The following SLC12A3 variants were observed in gnomAD, a reference collection of about 807,000 sequenced individuals.
SLC12A3 encodes the protein Na-Cl cotransporter.
Under a neutral mutation model 121.0 loss-of-function variants are expected in SLC12A3, and 104 were observed. That is an observed-to-expected ratio of 0.86 (90% CI 0.73 to 1.01). SLC12A3 has a LOEUF of 1.01. Among genes scored for constraint, SLC12A3 ranks in the 50% least tolerant of loss-of-function variants. The pLI is 0.00. For missense variants in SLC12A3, 1,328 were observed against 1,356.3 expected, an observed-to-expected ratio of 0.98 and a Z score of 0.33; for synonymous variants, 536 against 533.4, an observed-to-expected ratio of 1.00 and a Z score of -0.07.
intron 25 of SLC12A3, among the ~76,000 whole-genome samples, chr16:56,910,071 C>T (rs540937680): frequency 6.6e-6 from 1 of 152,286 alleles, no homozygotes; most frequent in South Asian, 2.1e-4. Flanking sequence ...TAAAAACACT[C>T]CCTCCTCAAA....
Position 56,880,149 on chromosome 16 carries a change from TG to T in SLC12A3, c.1464del (p.Tyr489ThrfsTer3). The T allele has an allele frequency of 6.2e-7, 1 of 1,607,486 alleles. No individual in the cohort carries two copies. The highest frequency in any genetic ancestry group is 8.5e-7 in the Non-Finnish European group (1 of 1,177,904). ...CTGCAGTGCCTTTGCGAGGACCAGC[TG>T]TACCCACTGATCGGCTTCTTCGGCA... ...KVFQCLCEDQ[L>X]YPLIGFFGKG... On this transcript the variant is annotated frameshift_variant, in exon 12 of 26. Coordinates refer to ENST00000563236, the MANE Select transcript of SLC12A3 (RefSeq NM_001126108.2). LOFTEE classifies it high-confidence loss of function.
intron 25 of SLC12A3, among the ~76,000 whole-genome samples, chr16:56,905,434 T>A (rs1241282908): frequency 6.7e-6 from 1 of 150,348 alleles, no homozygotes; most frequent in African/African-American, 2.5e-5. Context: ...CCAAGGTAAG[T>A]AACTGGCCTC....
chr16:56,902,319 C>G (rs2055548139), intron 23 of SLC12A3, 54 bp from the exon 24 acceptor site: 1 of 1,612,922 alleles, frequency 6.2e-7, no homozygotes, highest in Non-Finnish European at 8.5e-7. Flanking sequence ...ACCTGGCACC[C>G]CTAGAAATGG....
chr16:56,887,330 G>A (rs1468580445), intron 17 of SLC12A3, among the ~76,000 whole-genome samples: 1 of 152,056 alleles, frequency 6.6e-6, no homozygotes, highest in Non-Finnish European at 1.5e-5. Context: ...TCAGCCTCCT[G>A]AGTAACTGGG....
At chr16:56,892,623 CA>C (rs1363105582) in intron 20 of SLC12A3, among the ~76,000 whole-genome samples, 1 of 152,092 alleles carries the variant, frequency 6.6e-6, no homozygotes, top group African/African-American at 2.4e-5. Flanking sequence ...CTCCGGGAGA[CA>C]GGGGGCCTGA....
chr16:56,895,658 C>T (rs1279347232), intron 22 of SLC12A3, among the ~76,000 whole-genome samples: 1 of 152,010 alleles, frequency 6.6e-6, no homozygotes, highest in African/African-American at 2.4e-5. Context: ...GCACCAGGGA[C>T]TGGTTTCGTG....
At chr16:56,888,526 G>A (rs2055348501) in intron 18 of SLC12A3, among the ~76,000 whole-genome samples, 1 of 149,650 alleles carries the variant, frequency 6.7e-6, no homozygotes, top group Admixed American at 6.7e-5. Flanking sequence ...AGAAATGTGG[G>A]CCCAATGTTG....
intron 20 of SLC12A3, 168 bp downstream of exon 20, chr16:56,892,301 G>C: frequency 1.5e-6 from 1 of 670,676 alleles, no homozygotes; most frequent in Non-Finnish European, 2.7e-6. Context: ...AACTGGAGGG[G>C]CTTGGCCGTG....
chr16:56,866,989 T>C lies in SLC12A3; in HGVS notation c.283-81T>C, dbSNP rs143764626. ...GGGGGGTGCTCGGTATGGGGCGCAG[T>C]GGTGCAGGTCAGTGGGCTGGATGCA... On this transcript the variant is annotated intron_variant, in intron 1 of 25. Transcript: ENST00000563236. 4.8e-4 allele frequency: 756 copies of C among 1,576,544 alleles called. 4 individuals carry two copies. The African/African-American group carries it at 9.3e-3, about 19-fold the overall frequency.
At chr16:56,872,919 C>A in intron 8 of SLC12A3, 133 bp downstream of exon 8, 1 of 1,179,050 alleles carries the variant, frequency 8.5e-7, no homozygotes, top group Non-Finnish European at 1.2e-6. Context: ...CAGTCCAACT[C>A]AGCTCAGTTC....
At position 56,867,175 on chromosome 16, in the gene SLC12A3, C is replaced by A; in HGVS notation, c.388C>A (p.Pro130Thr). The change falls in exon 2 of 26, where the codon CCC becomes ACC. Residue 130 changes from proline (P) to threonine (T), a missense_variant. Transcript: ENST00000563236. The part of the protein sequence containing the change: ...GEAGTSSEKN[P>T]EEPVRFGWVK... ...GGCAGGCACCAGCAGCGAGAAGAACCCCGAGGAGCCAGTGCGCTTCGGCTG... is the reference window on the plus strand; with the variant it reads ...GGCAGGCACCAGCAGCGAGAAGAACACCGAGGAGCCAGTGCGCTTCGGCTG... 6.2e-7 allele frequency: 1 copy of A among 1,613,678 alleles called. No homozygotes were observed. The highest frequency in any genetic ancestry group is 1.3e-5 in the African/African-American group (1 of 74,992).
At position 56,870,632 on chromosome 16, in the gene SLC12A3, G is replaced by A. The variant is rs1219588591; in HGVS notation, c.748G>A (p.Gly250Arg). The A allele has an allele frequency of 6.2e-7, 1 of 1,606,450 alleles. No homozygotes were observed. Among genetic ancestry groups the A allele is most frequent in the Non-Finnish European group, 8.5e-7 (1 of 1,173,100 alleles). Reference protein sequence around the residue: ...ETVRDLLQEYGAPIVDPINDI... With the variant: ...ETVRDLLQEYRAPIVDPINDI... ...GCCCATTTTCCCTCCCCAGGAGTAT[G>A]GGGCACCCATCGTGGACCCCATTAA... The change falls in exon 6 of 26, where the codon GGG becomes AGG. Residue 250 changes from glycine (G) to arginine (R), a missense_variant. Physicochemically the swap from Gly to Arg is moderately radical, Grantham distance 125. Coordinates refer to ENST00000563236, the MANE Select transcript of SLC12A3 (RefSeq NM_001126108.2).
At chr16:56,894,510 C>G (rs1226951924) in intron 21 of SLC12A3, 21 bp from the exon 22 acceptor site, 1 of 1,565,542 alleles carries the variant, frequency 6.4e-7, no homozygotes, top group Non-Finnish European at 8.8e-7. Context: ...TGTCATGACT[C>G]ACGGGGACTC....
chr16:56,907,693 G>A (rs35101187), intron 25 of SLC12A3, among the ~76,000 whole-genome samples: 1,697 of 152,172 alleles, frequency 0.011, 32 homozygotes, highest in African/African-American at 0.038. Flanking sequence ...CTCACTTGGC[G>A]GAGGGAGCCA....
intron 6 of SLC12A3, 70 bp from the exon 7 acceptor site, chr16:56,872,281 T>C (rs994837556): frequency 1.0e-5 from 11 of 1,100,900 alleles, no homozygotes; most frequent in Middle Eastern, 3.9e-4. Flanking sequence ...GGGCAAATCA[T>C]TTTCTGGCGG....
intron 25 of SLC12A3, among the ~76,000 whole-genome samples, chr16:56,911,872 G>A (rs2055690857): frequency 6.6e-6 from 1 of 152,232 alleles, no homozygotes; most frequent in African/African-American, 2.4e-5. Context: ...ACCTTACAGA[G>A]CACTCACTGT....
intron 21 of SLC12A3, 25 bp from the exon 22 acceptor site, chr16:56,894,506 G>C: frequency 6.5e-7 from 1 of 1,540,290 alleles, no homozygotes; most frequent in Non-Finnish European, 9.0e-7. Context: ...TTCTTGTCAT[G>C]ACTCACGGGG....
intron 6 of SLC12A3, among the ~76,000 whole-genome samples, 197 bp downstream of exon 6, chr16:56,870,933 C>G (rs947375960): frequency 4.0e-5 from 6 of 151,820 alleles, no homozygotes; most frequent in African/African-American, 1.5e-4. Flanking sequence ...CTCCCAGGTT[C>G]AAGAGATTCT....
intron 12 of SLC12A3, among the ~76,000 whole-genome samples, chr16:56,881,603 A>G (rs1276268608): frequency 6.6e-6 from 1 of 152,030 alleles, no homozygotes; most frequent in Non-Finnish European, 1.5e-5. Context: ...ACAAGGATTA[A>G]TATGTAAAAG....
Sources: allele counts gnomAD v4.1 joint callset (sites outside exome capture counted in the v4.1 genomes callset), GRCh38; gene constraint gnomAD v4.1.1; transcripts MANE v1.5; gene names NCBI Gene and HGNC (gene_info 2026-07-23, HGNC 2026-07-21).